LUZP2: variants seen among roughly 807,000 people sequenced by gnomAD.
The protein encoded by LUZP2 is leucine zipper protein 2.
A neutral mutation model predicts 51.6 loss-of-function variants in LUZP2; 52 were observed. The ratio of observed to expected loss-of-function variants is 1.01; its 90% CI spans 0.81 to 1.27. LUZP2 has a LOEUF of 1.27. LUZP2 is among the 50% of genes most tolerant of loss of function. The pLI, the probability that LUZP2 is intolerant of heterozygous loss-of-function variation, is 0.00. For synonymous variants in LUZP2, 154 were observed against 137.3 expected (o/e 1.12, Z -0.85); for missense variants, 436 against 395.4 (o/e 1.10, Z -0.87).
At chr11:24,952,987 G>T (rs1855118683) in intron 7 of LUZP2, among the ~76,000 whole-genome samples, 1 of 151,700 alleles carries the variant, frequency 6.6e-6, no homozygotes, top group African/African-American at 2.4e-5. Context: ...CAAATTCTGT[G>T]TCATTCAGCT....
intron 10 of LUZP2, 133 bp from the exon 11 acceptor site, chr11:25,077,196 C>A (rs1565316301): frequency 4.3e-6 from 3 of 700,832 alleles, no homozygotes; most frequent in Non-Finnish European, 7.7e-6. Context: ...TTGTCCCTAG[C>A]TTTTGCCCTT....
intron 5 of LUZP2, among the ~76,000 whole-genome samples, chr11:24,832,639 A>G (rs1448261207): frequency 1.3e-5 from 2 of 151,644 alleles, no homozygotes; most frequent in East Asian, 3.9e-4. Flanking sequence ...TTTGAGACAC[A>G]CTATAACAAA....
At chr11:24,738,369 A>C (rs1200921128) in intron 4 of LUZP2, 67 bp downstream of exon 4, 6 of 1,080,298 alleles carry the variant, frequency 5.6e-6, no homozygotes, top group Non-Finnish European at 8.5e-6. Flanking sequence ...TTTTTCCAAA[A>C]TCACTATGGA....
intron 10 of LUZP2, among the ~76,000 whole-genome samples, chr11:25,075,936 G>A (rs1022721251): frequency 6.6e-6 from 1 of 151,760 alleles, no homozygotes; most frequent in South Asian, 2.1e-4. Context: ...TTCATCGCTT[G>A]GAAATAAACT....
intron 8 of LUZP2, among the ~76,000 whole-genome samples, chr11:24,977,150 A>G (rs1188774277): frequency 6.6e-6 from 1 of 151,792 alleles, no homozygotes; most frequent in Non-Finnish European, 1.5e-5. Flanking sequence ...TTAATAATAA[A>G]TGGAAGTAAT....
At chr11:24,591,640 T>C (rs1853264404) in intron 1 of LUZP2, among the ~76,000 whole-genome samples, 1 of 152,160 alleles carries the variant, frequency 6.6e-6, no homozygotes, top group South Asian at 2.1e-4. Flanking sequence ...ACCTAGGGCC[T>C]GGTCACAGTT....
chr11:24,673,253 T>A (rs1856453823), intron 1 of LUZP2, among the ~76,000 whole-genome samples: 2 of 152,304 alleles, frequency 1.3e-5, no homozygotes, highest in African/African-American at 4.8e-5. Context: ...AGTATTATAA[T>A]ATTATGGAAG....
chr11:24,816,168 C>A (rs2631514), intron 5 of LUZP2, among the ~76,000 whole-genome samples: 67,370 of 151,910 alleles, frequency 0.44, 15,188 homozygotes, highest in Middle Eastern at 0.52. Flanking sequence ...CCATGCCTGG[C>A]TTGCAGTAAG....
chr11:24,829,483 A>G (rs1850636369), intron 5 of LUZP2, among the ~76,000 whole-genome samples: 1 of 152,188 alleles, frequency 6.6e-6, no homozygotes, highest in Admixed American at 6.5e-5. Context: ...ATATGTAACA[A>G]GTGCTCAAAG....
intron 5 of LUZP2, among the ~76,000 whole-genome samples, chr11:24,794,914 T>G (rs1406498103): frequency 1.3e-5 from 2 of 152,140 alleles, no homozygotes; most frequent in Non-Finnish European, 2.9e-5. Flanking sequence ...ATTTCATGTG[T>G]AAGTGAATTT....
At chr11:24,945,458 C>G (rs949796338) in intron 7 of LUZP2, among the ~76,000 whole-genome samples, 1 of 151,928 alleles carries the variant, frequency 6.6e-6, no homozygotes, top group Non-Finnish European at 1.5e-5. Flanking sequence ...GTCTTCTCCT[C>G]CAAGCTGTAT....
At chr11:24,992,790 C>T (rs1856387546) in intron 9 of LUZP2, among the ~76,000 whole-genome samples, 1 of 152,178 alleles carries the variant, frequency 6.6e-6, no homozygotes, top group South Asian at 2.1e-4. Flanking sequence ...TATTTGATGA[C>T]TTCCCTATTG....
At chr11:24,555,742 AG>A (rs1424054197) in intron 1 of LUZP2, among the ~76,000 whole-genome samples, 19 of 152,192 alleles carry the variant, frequency 1.2e-4, no homozygotes, top group Non-Finnish European at 2.4e-4. Context: ...TTGGGAGGCC[AG>A]GTGGGAGGAT....
chr11:24,619,271 C>T (rs962110739), intron 1 of LUZP2, among the ~76,000 whole-genome samples: 7 of 152,060 alleles, frequency 4.6e-5, no homozygotes, highest in East Asian at 3.9e-4. Context: ...TGGCTTCACG[C>T]AATCCTCCTG....
At chr11:24,530,143 A>G (rs1002937513) in intron 1 of LUZP2, among the ~76,000 whole-genome samples, 1 of 150,898 alleles carries the variant, frequency 6.6e-6, no homozygotes, top group African/African-American at 2.4e-5. Context: ...TAATTCAATC[A>G]AAAGCACTCT....
At chr11:24,849,046 C>T (rs150990181) in intron 5 of LUZP2, among the ~76,000 whole-genome samples, 32 of 152,198 alleles carry the variant, frequency 2.1e-4, no homozygotes, top group African/African-American at 7.0e-4. Context: ...TGCCAATTCT[C>T]ACCACACTTT....
At chr11:24,718,839 CG>C (rs1377617489) in intron 1 of LUZP2, among the ~76,000 whole-genome samples, 6 of 152,244 alleles carry the variant, frequency 3.9e-5, no homozygotes, top group Admixed American at 1.3e-4. Context: ...CAGTGTACAA[CG>C]GTGTGTGGGA....
chr11:24,579,362 A>T (rs1305983439), intron 1 of LUZP2, among the ~76,000 whole-genome samples: 1 of 152,236 alleles, frequency 6.6e-6, no homozygotes, highest in African/African-American at 2.4e-5. Flanking sequence ...AGATATATAC[A>T]CTATAGATAT....
At position 25,081,024 on chromosome 11, in the gene LUZP2, A is replaced by G. The variant is rs1458279257; in HGVS notation, c.*2366A>G. 5.3e-5 allele frequency: 6 copies of G among 113,152 alleles called. No individual in the cohort carries two copies. The highest frequency in any genetic ancestry group is 8.8e-5 in the Non-Finnish European group (5 of 57,020). The allele number at this position is 113,152 out of a possible 1,614,324, so 7.0% of individuals were successfully genotyped here. A position where few individuals can be genotyped will look rare whatever the true frequency, so the allele number is the denominator to read the frequency against. ...GCTTGATCAAGTGGGCTTTGGATCC[A>G]TATGATTTTTTTTTTTTTTTTTTTT... On this transcript the variant is annotated 3_prime_UTR_variant, in exon 12 of 12. Coordinates refer to ENST00000336930, the MANE Select transcript of LUZP2 (RefSeq NM_001009909.4).
Sources: gnomAD v4.1 joint callset for allele counts (sites outside exome capture counted in the v4.1 genomes callset) on GRCh38, gnomAD v4.1.1 for gene constraint, MANE v1.5 for transcripts, NCBI Gene and HGNC (gene_info 2026-07-23, HGNC 2026-07-21) for gene names.